ELAVL2: variants seen among roughly 807,000 people sequenced by gnomAD.
ELAVL2 encodes ELAV-like protein 2.
ELAVL2 carries 4 observed loss-of-function variants against 34.6 expected under a neutral mutation model. That is an observed-to-expected ratio of 0.12 (90% confidence interval 0.06 to 0.26). The LOEUF (loss-of-function observed/expected upper bound fraction) is 0.26. Among genes scored for constraint, ELAVL2 ranks in the 10% least tolerant of loss-of-function variants. ELAVL2 has a pLI of 1.00. For missense variants in ELAVL2, 432 were observed against 442.8 expected, an observed-to-expected ratio of 0.98 and a Z score of 0.22; for synonymous variants, 193 against 154.8, an observed-to-expected ratio of 1.25 and a Z score of -1.83.
intron 2 of ELAVL2, among the ~76,000 whole-genome samples, chr9:23,760,150 CAA>C (rs2054619406): frequency 6.6e-6 from 1 of 151,830 alleles, no homozygotes; most frequent in South Asian, 2.1e-4. Flanking sequence ...TAAAGATTCA[CAA>C]AAGAGTAAGA....
intron 1 of ELAVL2, among the ~76,000 whole-genome samples, chr9:23,803,160 G>C (rs907048543): frequency 6.6e-6 from 1 of 152,020 alleles, no homozygotes; most frequent in Non-Finnish European, 1.5e-5. Flanking sequence ...TCCAGCTCTG[G>C]GACTATGTAA....
At chr9:23,801,089 C>T (rs1180369273) in intron 1 of ELAVL2, among the ~76,000 whole-genome samples, 1 of 152,126 alleles carries the variant, frequency 6.6e-6, no homozygotes, top group Non-Finnish European at 1.5e-5. Context: ...TATTTTATTT[C>T]AATTTGGAGC....
intron 2 of ELAVL2, among the ~76,000 whole-genome samples, chr9:23,738,242 G>T (rs2048348096): frequency 6.6e-6 from 1 of 152,222 alleles, no homozygotes; most frequent in African/African-American, 2.4e-5. Flanking sequence ...CAGGGAAAAG[G>T]TTTGAGAGAA....
chr9:23,780,028 A>C (rs2058841306), intron 1 of ELAVL2, among the ~76,000 whole-genome samples: 1 of 108,674 alleles, frequency 9.2e-6, no homozygotes, highest in Middle Eastern at 5.8e-3. Context: ...AAAAAAAAAA[A>C]AAAAAACTTC....
chr9:23,820,964 C>A lies in ELAVL2; in HGVS notation c.-16+4842G>T, dbSNP rs535421437. On this transcript the variant is annotated intron_variant, in intron 1 of 6. Coordinates refer to ENST00000397312, the MANE Select transcript of ELAVL2 (RefSeq NM_004432.5). ...CGCGCACGAGGGGATCATCATTGCTCCTGCCCTGGGCGCCCGCGGCCCTAC... is the reference window on the plus strand; with the variant it reads ...CGCGCACGAGGGGATCATCATTGCTACTGCCCTGGGCGCCCGCGGCCCTAC... 2.1e-4 allele frequency among the ~76,000 whole-genome samples: 32 copies of A among 152,202 alleles called. No homozygotes were observed. In the East Asian group the frequency reaches 6.3e-3, roughly 30 times the overall value.
intron 1 of ELAVL2, among the ~76,000 whole-genome samples, chr9:23,799,723 C>T (rs1044342230): frequency 1.3e-5 from 2 of 152,238 alleles, no homozygotes; most frequent in African/African-American, 2.4e-5. Context: ...ACCCAAGGTG[C>T]TTCCTGCTAG....
At chr9:23,741,381 C>A (rs866964756) in intron 2 of ELAVL2, among the ~76,000 whole-genome samples, 1 of 152,124 alleles carries the variant, frequency 6.6e-6, no homozygotes, top group African/African-American at 2.4e-5. Flanking sequence ...AGGAGGCACA[C>A]GAGGGACCCA....
At chr9:23,730,956 A>G (rs2046376255) in intron 3 of ELAVL2, 66 bp downstream of exon 3, 1 of 1,434,938 alleles carries the variant, frequency 7.0e-7, no homozygotes, top group Non-Finnish European at 9.5e-7. Context: ...GGAAAGAACT[A>G]CAAATAAATC....
intron 5 of ELAVL2, among the ~76,000 whole-genome samples, chr9:23,700,281 A>G (rs2036732827): frequency 6.6e-6 from 1 of 152,214 alleles, no homozygotes; most frequent in Non-Finnish European, 1.5e-5. Flanking sequence ...ATGGCCAAAA[A>G]GGATATTTAA....
chr9:23,755,217 CAGA>C (rs1477575589), intron 2 of ELAVL2, among the ~76,000 whole-genome samples: 2 of 152,080 alleles, frequency 1.3e-5, no homozygotes, highest in African/African-American at 4.8e-5. Flanking sequence ...CAAAAGAGGA[CAGA>C]AGTTGTTTTT....
intron 5 of ELAVL2, among the ~76,000 whole-genome samples, chr9:23,694,419 G>A (rs887104522): frequency 6.6e-6 from 1 of 152,106 alleles, no homozygotes; most frequent in Non-Finnish European, 1.5e-5. Flanking sequence ...AATTTCCACA[G>A]TGCTTACCAA....
chr9:23,693,412 A>C, intron 6 of ELAVL2, 36 bp downstream of exon 6: 1 of 1,612,844 alleles, frequency 6.2e-7, no homozygotes, highest in Non-Finnish European at 8.5e-7. Flanking sequence ...TCAACTGTGG[A>C]AAGGGATTAT....
chr9:23,813,729 G>C (rs539025162), intron 1 of ELAVL2, among the ~76,000 whole-genome samples: 1 of 152,304 alleles, frequency 6.6e-6, no homozygotes, highest in East Asian at 1.9e-4. Flanking sequence ...ACGGGTTAAG[G>C]AAGGAGAGAC....
At chr9:23,788,105 G>A (rs2059913774) in intron 1 of ELAVL2, among the ~76,000 whole-genome samples, 1 of 152,140 alleles carries the variant, frequency 6.6e-6, no homozygotes, top group Non-Finnish European at 1.5e-5. Flanking sequence ...AGCACAAAAT[G>A]ACTTTTACAG....
At chr9:23,831,064 A>C (rs2138751025), upstream of ELAVL2, among the ~76,000 whole-genome samples, 1 of 152,344 alleles carries the variant, frequency 6.6e-6, no homozygotes, top group Non-Finnish European at 1.5e-5. Context: ...CCAAAGTTAA[A>C]GGAAACCATC....
At chr9:23,765,370 A>T (rs1199929992) in intron 1 of ELAVL2, among the ~76,000 whole-genome samples, 1 of 152,186 alleles carries the variant, frequency 6.6e-6, no homozygotes, top group Non-Finnish European at 1.5e-5. Flanking sequence ...AACTAATGTA[A>T]ACCACACCTC....
intron 1 of ELAVL2, among the ~76,000 whole-genome samples, chr9:23,798,118 A>C (rs2061175031): frequency 1.3e-5 from 2 of 152,208 alleles, no homozygotes; most frequent in Non-Finnish European, 1.5e-5. Context: ...TGAAACCTTC[A>C]GGCAGGATGA....
intron 1 of ELAVL2, among the ~76,000 whole-genome samples, chr9:23,778,221 A>C (rs971360729): frequency 6.6e-6 from 1 of 152,202 alleles, no homozygotes; most frequent in East Asian, 1.9e-4. Context: ...GGTTGAAAAG[A>C]AGGACAAAGG....
chr9:23,807,480 A>G (rs1055361602), intron 1 of ELAVL2, among the ~76,000 whole-genome samples: 5 of 152,176 alleles, frequency 3.3e-5, no homozygotes, highest in Admixed American at 3.3e-4. Context: ...CGACACTCTT[A>G]AACAACAAAT....
Sources: gnomAD v4.1 joint callset for allele counts (sites outside exome capture counted in the v4.1 genomes callset) on GRCh38, gnomAD v4.1.1 for gene constraint, MANE v1.5 for transcripts, NCBI Gene and HGNC (gene_info 2026-07-23, HGNC 2026-07-21) for gene names.